Variants in TCF4 observed in about 807,000 individuals in gnomAD.
The protein encoded by TCF4 is SL3-3 enhancer factor 2.
A neutral mutation model predicts 82.1 loss-of-function variants in TCF4; 3 were observed. That is an observed-to-expected ratio of 0.04 (90% confidence interval 0.02 to 0.09). The LOEUF is 0.09. Ranked by LOEUF, TCF4 falls within the 10% of genes least tolerant of loss-of-function variation. The pLI, the probability that TCF4 is intolerant of heterozygous loss-of-function variation, is 1.00. For synonymous variants in TCF4, 276 were observed against 309.6 expected (o/e 0.89, Z 1.14); for missense variants, 518 against 852.7 (o/e 0.61, Z 4.89).
At chr18:55,576,015 A>G (rs568118720) in intron 3 of TCF4, among the ~76,000 whole-genome samples, 49 of 152,346 alleles carry the variant, frequency 3.2e-4, no homozygotes, top group African/African-American at 1.2e-3. Context: ...ATGATAATAA[A>G]AATTATAATG....
intron 3 of TCF4, among the ~76,000 whole-genome samples, chr18:55,529,714 G>T (rs916750879): frequency 6.6e-6 from 1 of 152,086 alleles, no homozygotes; most frequent in African/African-American, 2.4e-5. Flanking sequence ...GCAACTCCGC[G>T]ATGGCTACAG....
At chr18:55,270,895 C>T (rs1405137463) in intron 10 of TCF4, among the ~76,000 whole-genome samples, 1 of 152,030 alleles carries the variant, frequency 6.6e-6, no homozygotes, top group African/African-American at 2.4e-5. Flanking sequence ...TCATAGGCAT[C>T]TGAATGTGTT....
At chr18:55,434,533 C>T (rs1422516630) in intron 5 of TCF4, among the ~76,000 whole-genome samples, 3 of 151,016 alleles carry the variant, frequency 2.0e-5, no homozygotes, top group Admixed American at 6.6e-5. Context: ...CATTCTCCTG[C>T]CTCAGCCTCC....
At chr18:55,389,542 A>G (rs1603436112) in intron 6 of TCF4, among the ~76,000 whole-genome samples, 1 of 152,310 alleles carries the variant, frequency 6.6e-6, no homozygotes, top group East Asian at 1.9e-4. Flanking sequence ...GGCAAGAAGA[A>G]GGGGAGGCAA....
intron 8 of TCF4, among the ~76,000 whole-genome samples, chr18:55,313,374 G>A: frequency 6.6e-6 from 1 of 152,090 alleles, no homozygotes. Flanking sequence ...AGTCTAAACT[G>A]ATATGAGAAT....
At chr18:55,593,879 GAATGGCT>G (rs2147931043) in intron 2 of TCF4, among the ~76,000 whole-genome samples, 1 of 152,320 alleles carries the variant, frequency 6.6e-6, no homozygotes, top group South Asian at 2.1e-4. Context: ...AGTCTTGATT[GAATGGCT>G]AACTCACAGT....
At chr18:55,245,882 ATACT>A (rs1644135608) in intron 15 of TCF4, among the ~76,000 whole-genome samples, 1 of 152,210 alleles carries the variant, frequency 6.6e-6, no homozygotes, top group South Asian at 2.1e-4. Flanking sequence ...GTAAGATCAG[ATACT>A]TTCTTTTACA....
chr18:55,253,361 C>T (rs2055827089), intron 15 of TCF4, among the ~76,000 whole-genome samples: 1 of 152,142 alleles, frequency 6.6e-6, no homozygotes, highest in African/African-American at 2.4e-5. Flanking sequence ...ATCCAAGCAA[C>T]TTTTAGCGAG....
chr18:55,435,668 CCTCT>C (rs1213777544), intron 5 of TCF4, among the ~76,000 whole-genome samples: 1 of 152,206 alleles, frequency 6.6e-6, no homozygotes, highest in Non-Finnish European at 1.5e-5. Flanking sequence ...AATGCACAGT[CCTCT>C]CTCTACTTGT....
intron 3 of TCF4, among the ~76,000 whole-genome samples, chr18:55,559,046 A>C (rs2147271095): frequency 6.6e-6 from 1 of 151,808 alleles, no homozygotes; most frequent in Admixed American, 6.6e-5. Flanking sequence ...CCCCCTAAAA[A>C]AAAAAAAAAA....
chr18:55,268,426 T>C (rs528758600), intron 11 of TCF4: 3 of 152,256 alleles, frequency 2.0e-5, no homozygotes, highest in East Asian at 1.9e-4. Flanking sequence ...CAAAACTGCA[T>C]TGATAGCTAA....
intron 5 of TCF4, chr18:55,422,023 T>A (rs1055260423): frequency 4.0e-6 from 1 of 247,494 alleles, no homozygotes; most frequent in African/African-American, 2.3e-5. Context: ...ACCAGAAGTG[T>A]TGAGTGAGAG....
chr18:55,403,672 T>G, intron 5 of TCF4, 154 bp from the exon 6 acceptor site: 1 of 1,571,880 alleles, frequency 6.4e-7, no homozygotes, highest in Non-Finnish European at 8.6e-7. Context: ...GAATAACACT[T>G]CCTCACTCTG....
intron 13 of TCF4, among the ~76,000 whole-genome samples, chr18:55,258,221 T>C (rs543886010): frequency 8.3e-4 from 127 of 152,310 alleles, no homozygotes; most frequent in African/African-American, 2.4e-3. Flanking sequence ...TAGAATATTT[T>C]GTTCAATTAC....
At chr18:55,277,763 T>C (rs1378811689) in intron 9 of TCF4, among the ~76,000 whole-genome samples, 3 of 152,174 alleles carry the variant, frequency 2.0e-5, no homozygotes, top group Non-Finnish European at 4.4e-5. Context: ...CCTGGGCAGA[T>C]AGAAAAAATA....
At chr18:55,581,763 A>C (rs963533456) in intron 3 of TCF4, among the ~76,000 whole-genome samples, 6 of 152,134 alleles carry the variant, frequency 3.9e-5, no homozygotes, top group African/African-American at 1.4e-4. Context: ...TAGCTAACTT[A>C]GGTAAATTTC....
At chr18:55,621,837 CTA>C (rs1212892834) in intron 2 of TCF4, among the ~76,000 whole-genome samples, 1 of 57,232 alleles carries the variant, frequency 1.7e-5, no homozygotes, top group African/African-American at 4.9e-5. Context: ...TATATATACA[CTA>C]TATACAATGT....
chr18:55,365,656 T>G (rs755982406), intron 6 of TCF4, among the ~76,000 whole-genome samples: 3 of 152,074 alleles, frequency 2.0e-5, no homozygotes, highest in Non-Finnish European at 4.4e-5. Context: ...TCCCAGCACT[T>G]TGGGAGGCCA....
intron 15 of TCF4, among the ~76,000 whole-genome samples, chr18:55,238,199 C>A (rs2050114511): frequency 1.3e-5 from 2 of 152,200 alleles, no homozygotes; most frequent in Non-Finnish European, 2.9e-5. Flanking sequence ...ATTTTGATAA[C>A]CTTTTCATAG....
Sources: gnomAD v4.1 joint callset for allele counts (sites outside exome capture counted in the v4.1 genomes callset) on GRCh38, gnomAD v4.1.1 for gene constraint, MANE v1.5 for transcripts, NCBI Gene and HGNC (gene_info 2026-07-23, HGNC 2026-07-21) for gene names.